Variants in XPOT observed in about 807,000 individuals in gnomAD.
The protein encoded by XPOT is exportin-T.
Under a neutral mutation model 128.2 loss-of-function variants are expected in XPOT, and 34 were observed. That is an observed-to-expected ratio of 0.27 (90% CI 0.20 to 0.35). The LOEUF (loss-of-function observed/expected upper bound fraction) is 0.35. Ranked by LOEUF, XPOT falls within the 10% of genes least tolerant of loss-of-function variation. The probability of loss-of-function intolerance (pLI) is 1.00; values close to 1 mark genes in which losing one functional copy is unlikely to be tolerated. For synonymous variants in XPOT, 348 were observed against 394.3 expected, an observed-to-expected ratio of 0.88 and a Z score of 1.39; for missense variants, 838 against 1,125.3, an observed-to-expected ratio of 0.74 and a Z score of 3.65.
At chr12:64,408,465 G>A (rs987856749) in intron 1 of XPOT, among the ~76,000 whole-genome samples, 3 of 152,148 alleles carry the variant, frequency 2.0e-5, no homozygotes, top group Non-Finnish European at 4.4e-5. Context: ...TAGGTCTTGA[G>A]AGAATAATAT....
At chr12:64,406,309 C>T (rs756148260) in intron 1 of XPOT, among the ~76,000 whole-genome samples, 16 of 151,890 alleles carry the variant, frequency 1.1e-4, no homozygotes, top group Non-Finnish European at 1.8e-4. Flanking sequence ...CTCCTGACCT[C>T]GTGATCCGCC....
At chr12:64,406,067 C>T (rs1188256836) in intron 1 of XPOT, among the ~76,000 whole-genome samples, 4 of 152,082 alleles carry the variant, frequency 2.6e-5, no homozygotes, top group African/African-American at 4.8e-5. Flanking sequence ...GTGACTTGAC[C>T]AAGCTTAAGC....
chr12:64,421,130 T>A, intron 8 of XPOT, 105 bp from the exon 9 acceptor site: 1 of 877,074 alleles, frequency 1.1e-6, no homozygotes, highest in Non-Finnish European at 1.8e-6. Context: ...GACGTCATTT[T>A]AAAATTGAAT....
intron 10 of XPOT, 50 bp from the exon 11 acceptor site, chr12:64,423,132 A>G: frequency 6.3e-7 from 1 of 1,593,064 alleles, no homozygotes; most frequent in Non-Finnish European, 8.6e-7. Context: ...AATTATATCA[A>G]ATTAGAAGGA....
intron 22 of XPOT, among the ~76,000 whole-genome samples, 195 bp from the exon 23 acceptor site, chr12:64,439,049 G>A (rs2040304785): frequency 6.6e-6 from 1 of 152,196 alleles, no homozygotes; most frequent in Non-Finnish European, 1.5e-5. Context: ...TTCTGCACAT[G>A]TAACCCAGAA....
chr12:64,414,228 CTCT>C (rs1219535461), intron 2 of XPOT, among the ~76,000 whole-genome samples: 28 of 152,174 alleles, frequency 1.8e-4, no homozygotes, highest in Non-Finnish European at 2.4e-4. Context: ...TTCTAGAGTA[CTCT>C]TGCTCCTTGT....
chr12:64,424,399 C>T (rs113030292), intron 11 of XPOT, among the ~76,000 whole-genome samples, 200 bp from the exon 12 acceptor site: 2,193 of 151,924 alleles, frequency 0.014, 44 homozygotes, highest in African/African-American at 0.05. Flanking sequence ...TATGTAAATG[C>T]GGAAAAATAC....
chr12:64,414,815 T>C, intron 2 of XPOT, 92 bp from the exon 3 acceptor site: 2 of 770,916 alleles, frequency 2.6e-6, no homozygotes, highest in Non-Finnish European at 4.6e-6. Context: ...TGATTTGTTA[T>C]AGGTTTGCAA....
chr12:64,408,119 G>GT (rs748962289), intron 1 of XPOT, among the ~76,000 whole-genome samples: 82 of 151,414 alleles, frequency 5.4e-4, no homozygotes, highest in Middle Eastern at 3.4e-3. Context: ...GCCTTTTTTT[G>GT]TTTTTTTTGA....
chr12:64,432,951 C>A (rs752542265), intron 18 of XPOT, among the ~76,000 whole-genome samples: 2 of 151,798 alleles, frequency 1.3e-5, no homozygotes, highest in African/African-American at 4.8e-5. Context: ...GGTTTTTTCC[C>A]CACCTTGAAA....
intron 6 of XPOT, 78 bp from the exon 7 acceptor site, chr12:64,419,992 A>G (rs1309527078): frequency 2.3e-6 from 3 of 1,319,744 alleles, no homozygotes; most frequent in African/African-American, 3.0e-5. Context: ...CTGAAAGTTT[A>G]CTCTCTGCAA....
intron 15 of XPOT, among the ~76,000 whole-genome samples, chr12:64,426,197 C>T (rs1438807840): frequency 1.3e-5 from 2 of 150,988 alleles, no homozygotes; most frequent in Non-Finnish European, 2.9e-5. Flanking sequence ...ATCCCACCTA[C>T]TCAGGAGGCT....
Position 64,448,601 on chromosome 12 carries a change from A to G in XPOT, c.*470A>G, listed in dbSNP as rs1759343363. 6.5e-6 allele frequency: 1 copy of G among 153,090 alleles called. No homozygotes were observed. The highest frequency in any genetic ancestry group is 1.5e-5 in the Non-Finnish European group (1 of 68,440). The allele number at this position is 153,090 out of a possible 1,614,324, so 9.5% of individuals were successfully genotyped here. On this transcript the variant is annotated 3_prime_UTR_variant, in exon 25 of 25. Coordinates refer to ENST00000332707, the MANE Select transcript of XPOT (RefSeq NM_007235.6). ...TTAAACTGTTTCAACGCCAATATGTATTCTACAAAAGAGAATGGTTTTAGG... is the reference window on the plus strand; with the variant it reads ...TTAAACTGTTTCAACGCCAATATGTGTTCTACAAAAGAGAATGGTTTTAGG...
chr12:64,444,885 G>C (rs191164502), intron 23 of XPOT, among the ~76,000 whole-genome samples, 190 bp from the exon 24 acceptor site: 111 of 150,306 alleles, frequency 7.4e-4, no homozygotes, highest in Non-Finnish European at 1.3e-3. Context: ...AGGTGGGAGT[G>C]TCCCTTGAGC....
intron 1 of XPOT, among the ~76,000 whole-genome samples, chr12:64,405,837 C>T (rs574505170): frequency 6.6e-6 from 1 of 152,190 alleles, no homozygotes; most frequent in Non-Finnish European, 1.5e-5. Context: ...AGGATGGTCT[C>T]GATCTCTTGA....
At chr12:64,418,358 T>C (rs1366466774) in intron 5 of XPOT, among the ~76,000 whole-genome samples, 1 of 152,202 alleles carries the variant, frequency 6.6e-6, no homozygotes, top group Non-Finnish European at 1.5e-5. Flanking sequence ...GGTTTTAAAA[T>C]GTAGTTGTTT....
chr12:64,411,411 A>G (rs1025475851), intron 2 of XPOT, among the ~76,000 whole-genome samples: 1 of 152,102 alleles, frequency 6.6e-6, no homozygotes, highest in Non-Finnish European at 1.5e-5. Context: ...CCAGCATCCA[A>G]TTTTTGGATG....
At chr12:64,423,909 G>C (rs754447117) in intron 11 of XPOT, among the ~76,000 whole-genome samples, 1 of 152,140 alleles carries the variant, frequency 6.6e-6, no homozygotes, top group Non-Finnish European at 1.5e-5. Context: ...CTCTAGACTT[G>C]TTCCAGTTAA....
intron 16 of XPOT, among the ~76,000 whole-genome samples, chr12:64,428,877 CAGG>C (rs1190802557): frequency 6.6e-6 from 1 of 152,144 alleles, no homozygotes; most frequent in African/African-American, 2.4e-5. Flanking sequence ...ATGTGTAAAA[CAGG>C]AGCAGACAAA....
Sources: allele counts gnomAD v4.1 joint callset (sites outside exome capture counted in the v4.1 genomes callset), GRCh38; gene constraint gnomAD v4.1.1; transcripts MANE v1.5; gene names NCBI Gene and HGNC (gene_info 2026-07-23, HGNC 2026-07-21).